The following MDGA2 variants were observed in gnomAD, a reference collection of about 807,000 sequenced individuals.
The protein encoded by MDGA2 is MAM domain containing glycosylphosphatidylinositol anchor 2.
In MDGA2, 40 loss-of-function variants were observed where a neutral mutation model predicts 117.8. That is an observed-to-expected ratio of 0.34 (90% CI 0.26 to 0.44). MDGA2 has a LOEUF of 0.44. Ranked by LOEUF, MDGA2 falls within the 20% of genes least tolerant of loss-of-function variation. The probability of loss-of-function intolerance (pLI) is 1.00; values close to 1 mark genes in which losing one functional copy is unlikely to be tolerated. For synonymous variants in MDGA2, 452 were observed against 439.0 expected, an observed-to-expected ratio of 1.03 and a Z score of -0.37; for missense variants, 1,123 against 1,250.6, an observed-to-expected ratio of 0.90 and a Z score of 1.54.
intron 8 of MDGA2, among the ~76,000 whole-genome samples, chr14:46,978,779 G>T (rs1186963771): frequency 1.3e-5 from 2 of 152,046 alleles, no homozygotes; most frequent in East Asian, 3.9e-4. Context: ...ATGACTCAGA[G>T]AGGCAAGATA....
intron 3 of MDGA2, among the ~76,000 whole-genome samples, chr14:47,178,672 A>C (rs1347256598): frequency 2.6e-5 from 4 of 152,186 alleles, no homozygotes; most frequent in African/African-American, 9.6e-5. Context: ...AAGAAACAGA[A>C]ATATAAGCCA....
intron 3 of MDGA2, among the ~76,000 whole-genome samples, chr14:47,192,170 C>T (rs1475991771): frequency 6.6e-6 from 1 of 152,094 alleles, no homozygotes; most frequent in Non-Finnish European, 1.5e-5. Context: ...TTGTGACAGA[C>T]AAGAAGAGAA....
chr14:47,081,998 T>G (rs767276035), intron 6 of MDGA2, among the ~76,000 whole-genome samples: 18 of 152,232 alleles, frequency 1.2e-4, no homozygotes, highest in Admixed American at 2.0e-4. Flanking sequence ...CTATAGATGT[T>G]TAAGGGAGTA....
chr14:47,250,875 T>C (rs1887422453), intron 2 of MDGA2, among the ~76,000 whole-genome samples: 1 of 152,234 alleles, frequency 6.6e-6, no homozygotes, highest in Admixed American at 6.5e-5. Flanking sequence ...ATGGGGTTTA[T>C]GTCTTCATCA....
intron 1 of MDGA2, among the ~76,000 whole-genome samples, chr14:47,544,845 A>T (rs1895427905): frequency 6.6e-6 from 1 of 152,190 alleles, no homozygotes; most frequent in East Asian, 1.9e-4. Context: ...AATATGAAAT[A>T]GCTTATTCCC....
In MDGA2 at chr14:47,651,967, G is replaced by A. The variant is rs377472404; in HGVS notation, c.280+22550C>T. Among the ~76,000 whole-genome samples the A allele has an allele frequency of 3.9e-5, 6 of 152,278 alleles. No individual in the cohort carries two copies. In the East Asian group the frequency reaches 7.7e-4, roughly 20 times the overall value. ...GCCTTTGAGCACTCTAAGTAAAAAT[G>A]TGAAAGAGACAGTTACACATACGGA... On this transcript the variant is annotated intron_variant, in intron 1 of 16. Transcript: ENST00000399232.
chr14:46,946,492 G>A (rs1271981602), intron 9 of MDGA2, among the ~76,000 whole-genome samples: 2 of 152,006 alleles, frequency 1.3e-5, no homozygotes, highest in Non-Finnish European at 2.9e-5. Context: ...TGCCAATACA[G>A]CAGTAAATGA....
At chr14:47,209,077 T>G (rs1433485684) in intron 3 of MDGA2, among the ~76,000 whole-genome samples, 1 of 152,094 alleles carries the variant, frequency 6.6e-6, no homozygotes, top group Non-Finnish European at 1.5e-5. Context: ...CTTAACATAT[T>G]TAGTGAGAGG....
chr14:47,056,299 G>A (rs1423150547), intron 7 of MDGA2, among the ~76,000 whole-genome samples: 2 of 151,910 alleles, frequency 1.3e-5, no homozygotes, highest in Non-Finnish European at 2.9e-5. Flanking sequence ...CTTTCATTTT[G>A]CAGATGTGAA....
chr14:47,085,585 G>T (rs1376385164), intron 6 of MDGA2, among the ~76,000 whole-genome samples: 1 of 150,600 alleles, frequency 6.6e-6, no homozygotes. Context: ...GATTATGCAT[G>T]CTATGAAAAT....
chr14:47,359,907 C>A (rs1288944695), intron 1 of MDGA2, among the ~76,000 whole-genome samples: 2 of 152,006 alleles, frequency 1.3e-5, no homozygotes, highest in East Asian at 1.9e-4. Context: ...GGCTTCTGCA[C>A]ATCAAAAGAG....
rs527486190 is a variant in MDGA2 at position 47,042,711 on chromosome 14, T to G, written c.1526-7407A>C. Among the ~76,000 whole-genome samples, 13 of 152,258 alleles carry G rather than the reference T, an allele frequency of 8.5e-5. No homozygotes were observed. The East Asian group carries it at 2.5e-3, about 29-fold the overall frequency. On this transcript the variant is annotated intron_variant, in intron 7 of 16. Transcript: ENST00000399232. ...ACTGTCAATGGCACATCACTAATGA[T>G]AGCTCACAACAGGATAAGTAAGATA...
intron 9 of MDGA2, among the ~76,000 whole-genome samples, chr14:46,942,412 GA>G (rs1885030012): frequency 6.6e-6 from 1 of 151,998 alleles, no homozygotes; most frequent in South Asian, 2.1e-4. Context: ...ACCTTATTCA[GA>G]TATAATTTAC....
At chr14:47,636,890 T>C (rs1467244955) in intron 1 of MDGA2, among the ~76,000 whole-genome samples, 1 of 149,272 alleles carries the variant, frequency 6.7e-6, no homozygotes, top group Non-Finnish European at 1.5e-5. Context: ...GAGAATCACT[T>C]GAATCCGGGA....
At chr14:47,348,492 A>C (rs937704057) in intron 1 of MDGA2, among the ~76,000 whole-genome samples, 3 of 152,156 alleles carry the variant, frequency 2.0e-5, no homozygotes, top group Non-Finnish European at 4.4e-5. Context: ...GAGTATAGGC[A>C]TGAGCTACCG....
intron 1 of MDGA2, among the ~76,000 whole-genome samples, chr14:47,654,444 T>G (rs1897705127): frequency 6.6e-6 from 1 of 152,014 alleles, no homozygotes; most frequent in Admixed American, 6.6e-5. Flanking sequence ...GCTGGCCAAC[T>G]GGCTAATAAC....
intron 3 of MDGA2, among the ~76,000 whole-genome samples, chr14:47,173,824 T>A (rs1884301040): frequency 1.3e-5 from 2 of 152,122 alleles, no homozygotes; most frequent in African/African-American, 2.4e-5. Context: ...GTAAATGGAC[T>A]AAATGCTCCA....
At chr14:47,109,036 C>T (rs1340116668) in intron 5 of MDGA2, among the ~76,000 whole-genome samples, 6 of 152,162 alleles carry the variant, frequency 3.9e-5, no homozygotes, top group Non-Finnish European at 7.3e-5. Context: ...TCCTGGCAAA[C>T]TTGGTCTCAT....
At chr14:47,224,104 C>T (rs1886394376) in intron 2 of MDGA2, among the ~76,000 whole-genome samples, 1 of 152,104 alleles carries the variant, frequency 6.6e-6, no homozygotes, top group South Asian at 2.1e-4. Context: ...TATATTATTA[C>T]ATTTGTGTTT....
Sources: allele counts gnomAD v4.1 joint callset (sites outside exome capture counted in the v4.1 genomes callset), GRCh38; gene constraint gnomAD v4.1.1; transcripts MANE v1.5; gene names NCBI Gene and HGNC (gene_info 2026-07-23, HGNC 2026-07-21).